FHIT: variants seen among roughly 807,000 people sequenced by gnomAD.
FHIT encodes bis(5'-adenosyl)-triphosphatase.
A neutral mutation model predicts 17.9 loss-of-function variants in FHIT; 19 were observed. The observed-to-expected ratio is 1.06, with a 90% CI of 0.74 to 1.56. The LOEUF (loss-of-function observed/expected upper bound fraction) is 1.56, where lower values mean the gene tolerates loss of function less well. FHIT is among the 40% of genes most tolerant of loss of function. FHIT has a pLI of 0.00. For synonymous variants in FHIT, 81 were observed against 69.7 expected, an observed-to-expected ratio of 1.16 and a Z score of -0.81; for missense variants, 248 against 189.2, an observed-to-expected ratio of 1.31 and a Z score of -1.82.
At chr3:60,862,093 G>T (rs1703938051) in intron 3 of FHIT, among the ~76,000 whole-genome samples, 1 of 152,152 alleles carries the variant, frequency 6.6e-6, no homozygotes, top group African/African-American at 2.4e-5. Flanking sequence ...GCATTGGGCT[G>T]AATATAACTT....
chr3:61,011,356 T>G (rs919026528), intron 3 of FHIT, among the ~76,000 whole-genome samples: 1 of 152,148 alleles, frequency 6.6e-6, no homozygotes, highest in Non-Finnish European at 1.5e-5. Flanking sequence ...TGCTCTCACA[T>G]AAAAATTGAT....
chr3:60,313,129 A>G (rs1043772648), intron 5 of FHIT, among the ~76,000 whole-genome samples: 2 of 152,204 alleles, frequency 1.3e-5, no homozygotes, highest in Non-Finnish European at 2.9e-5. Context: ...CCATACTCCT[A>G]TCATACTCAC....
intron 3 of FHIT, among the ~76,000 whole-genome samples, chr3:60,944,340 T>A (rs1337089758): frequency 6.6e-6 from 1 of 152,038 alleles, no homozygotes; most frequent in Non-Finnish European, 1.5e-5. Flanking sequence ...TTGTCTTTTT[T>A]TTTTCCTCCA....
chr3:60,472,494 G>A (rs113020615), intron 5 of FHIT, among the ~76,000 whole-genome samples: 42 of 151,024 alleles, frequency 2.8e-4, no homozygotes, highest in African/African-American at 8.8e-4. Context: ...TCAGCCTACC[G>A]AGTAGCTGGG....
intron 8 of FHIT, among the ~76,000 whole-genome samples, chr3:59,794,720 T>C (rs1426484376): frequency 2.0e-5 from 3 of 152,200 alleles, no homozygotes; most frequent in African/African-American, 7.2e-5. Context: ...AGTATCTCAT[T>C]AAATCTCACC....
chr3:60,063,335 T>C (rs1702369853), intron 5 of FHIT, among the ~76,000 whole-genome samples: 3 of 152,190 alleles, frequency 2.0e-5, no homozygotes, highest in Admixed American at 2.0e-4. Context: ...ATAAAAATCA[T>C]CTTGTGTTTC....
chr3:60,473,342 G>A (rs1429327684), intron 5 of FHIT, among the ~76,000 whole-genome samples: 3 of 152,174 alleles, frequency 2.0e-5, no homozygotes, highest in African/African-American at 7.2e-5. Flanking sequence ...GGGAGCTGGA[G>A]GTGGGGAGCT....
At chr3:59,898,961 T>C (rs1351517269) in intron 8 of FHIT, among the ~76,000 whole-genome samples, 4 of 152,142 alleles carry the variant, frequency 2.6e-5, no homozygotes, top group African/African-American at 4.8e-5. Flanking sequence ...TCAATGAGGA[T>C]AGTGAGATGC....
chr3:60,624,762 A>T (rs906896467), intron 4 of FHIT, among the ~76,000 whole-genome samples: 2 of 152,090 alleles, frequency 1.3e-5, no homozygotes, highest in African/African-American at 4.8e-5. Context: ...ACTTACTGTA[A>T]TGTTTATAAG....
intron 4 of FHIT, among the ~76,000 whole-genome samples, chr3:60,713,550 AAG>A (rs2041599041): frequency 6.6e-6 from 1 of 151,842 alleles, no homozygotes; most frequent in Admixed American, 6.6e-5. Flanking sequence ...TAAAGAAAAA[AAG>A]AGAGAAGAAT....
At chr3:59,891,800 T>C (rs1703867388) in intron 8 of FHIT, among the ~76,000 whole-genome samples, 1 of 152,156 alleles carries the variant, frequency 6.6e-6, no homozygotes, top group Non-Finnish European at 1.5e-5. Context: ...TACATGACCA[T>C]GAGGAGTGAT....
intron 2 of FHIT, among the ~76,000 whole-genome samples, chr3:61,187,735 C>G (rs2038565446): frequency 6.6e-6 from 1 of 152,216 alleles, no homozygotes; most frequent in Admixed American, 6.5e-5. Context: ...AACTGTCTCT[C>G]AGACCACAGT....
At chr3:60,134,157 T>C (rs1699710985) in intron 5 of FHIT, among the ~76,000 whole-genome samples, 2 of 152,112 alleles carry the variant, frequency 1.3e-5, no homozygotes, top group Admixed American at 1.3e-4. Context: ...CAACTATATT[T>C]CTGGAGAAAT....
At chr3:60,140,705 A>G (rs1056127542) in intron 5 of FHIT, among the ~76,000 whole-genome samples, 1 of 151,730 alleles carries the variant, frequency 6.6e-6, no homozygotes, top group African/African-American at 2.4e-5. Flanking sequence ...CAGCCTCCCA[A>G]ATAGCTGGGA....
chr3:60,760,850 G>A (rs1699624891), intron 4 of FHIT, among the ~76,000 whole-genome samples: 1 of 152,136 alleles, frequency 6.6e-6, no homozygotes, highest in Non-Finnish European at 1.5e-5. Context: ...ATGATCCTTT[G>A]CCCGTGATCC....
intron 2 of FHIT, among the ~76,000 whole-genome samples, chr3:61,161,862 A>G (rs1651508081): frequency 6.6e-6 from 1 of 152,244 alleles, no homozygotes; most frequent in African/African-American, 2.4e-5. Context: ...AATAGAATTA[A>G]AAGTGCCATT....
At chr3:60,282,797 G>C (rs542365692) in intron 5 of FHIT, among the ~76,000 whole-genome samples, 1 of 152,038 alleles carries the variant, frequency 6.6e-6, no homozygotes, top group Non-Finnish European at 1.5e-5. Context: ...ATTTTAAAAA[G>C]TACATCTTAG....
At chr3:61,049,532 A>G (rs1185822337) in intron 2 of FHIT, among the ~76,000 whole-genome samples, 2 of 152,116 alleles carry the variant, frequency 1.3e-5, no homozygotes, top group African/African-American at 4.8e-5. Context: ...ACAGTCTGAC[A>G]ATACCTGAAT....
intron 5 of FHIT, among the ~76,000 whole-genome samples, chr3:60,477,203 ATT>A (rs558744857): frequency 0.037 from 5,511 of 148,136 alleles, 318 homozygotes; most frequent in African/African-American, 0.12. Context: ...TTCAAAATGG[ATT>A]TTTTTTTTTC....
Sources: gnomAD v4.1 joint callset for allele counts (sites outside exome capture counted in the v4.1 genomes callset) on GRCh38, gnomAD v4.1.1 for gene constraint, MANE v1.5 for transcripts, NCBI Gene and HGNC (gene_info 2026-07-23, HGNC 2026-07-21) for gene names.